The following TRPC5 variants were observed in gnomAD, a reference collection of about 807,000 sequenced individuals.
The protein encoded by TRPC5 is transient receptor potential cation channel subfamily C member 5, also known as short transient receptor potential channel 5.
In TRPC5, 9 loss-of-function variants were observed where a neutral mutation model predicts 56.5. That is an observed-to-expected ratio of 0.16 (90% CI 0.10 to 0.28). The LOEUF (loss-of-function observed/expected upper bound fraction) is 0.28. Ranked by LOEUF, TRPC5 falls within the 10% of genes least tolerant of loss-of-function variation. TRPC5 has a pLI of 1.00. For synonymous variants in TRPC5, 282 were observed against 278.5 expected, an observed-to-expected ratio of 1.01 and a Z score of -0.13; for missense variants, 469 against 748.9, an observed-to-expected ratio of 0.63 and a Z score of 4.36.
chrX:111,847,081 A>G, intron 6 of TRPC5, 33 bp downstream of exon 6: 2 of 1,156,020 alleles, frequency 1.7e-6, no homozygotes, highest in Non-Finnish European at 2.3e-6. Context: ...CAAAAAAAAA[A>G]ATAAATAAAT....
At chrX:111,779,787 TAGTA>T (rs1263434847) in intron 9 of TRPC5, among the ~76,000 whole-genome samples, 1 of 112,131 alleles carries the variant, frequency 8.9e-6, no homozygotes, top group African/African-American at 3.2e-5. Flanking sequence ...GTTACACAAC[TAGTA>T]AGTGTCAGCA....
At chrX:111,888,494 G>A in intron 3 of TRPC5, among the ~76,000 whole-genome samples, 1 of 93,418 alleles carries the variant, frequency 1.1e-5, no homozygotes, top group Admixed American at 1.2e-4. Context: ...CCAACATGGT[G>A]AAACCCCGTC....
chrX:112,056,471 A>G (rs963448750), intron 1 of TRPC5, among the ~76,000 whole-genome samples: 4 of 112,567 alleles, frequency 3.6e-5, no homozygotes, highest in African/African-American at 9.7e-5. Flanking sequence ...TTTAGGGAAT[A>G]TTTAGAACCA....
chrX:112,002,689 G>T (rs147924138), intron 1 of TRPC5, among the ~76,000 whole-genome samples: 1 of 111,087 alleles, frequency 9.0e-6, no homozygotes, highest in Non-Finnish European at 1.9e-5. Flanking sequence ...CTCTTGACAG[G>T]GTATTTTTCA....
rs183546814 is a variant in TRPC5 at position 112,063,445 on chromosome X, T to C, written c.-22+18434A>G. ...TGTGGCATAGCCTGTCTGCCTGATA[T>C]TAGCTCATGTCTTCATGCTTGTTTT... On this transcript the variant is annotated intron_variant, in intron 1 of 10. Transcript: ENST00000262839. Among the ~76,000 whole-genome samples the C allele has an allele frequency of 3.5e-5, 4 of 112,777 alleles. No homozygotes were observed. The Admixed American group carries it at 3.8e-4, about 11-fold the overall frequency.
chrX:111,994,332 A>G (rs1369304244), intron 1 of TRPC5, among the ~76,000 whole-genome samples: 2 of 111,692 alleles, frequency 1.8e-5, no homozygotes, highest in Non-Finnish European at 3.8e-5. Context: ...GAAGTCAGGT[A>G]GTGTGATGCC....
At chrX:111,868,477 A>G (rs1241840762) in intron 3 of TRPC5, among the ~76,000 whole-genome samples, 1 of 112,822 alleles carries the variant, frequency 8.9e-6, no homozygotes, top group Non-Finnish European at 1.9e-5. Context: ...GGTGTGTACA[A>G]AAAAGTGCAA....
rs147369395 is a variant in TRPC5, at chrX:112,049,297, A to G, written c.-22+32582T>C. On this transcript the variant is annotated intron_variant, in intron 1 of 10. Coordinates refer to ENST00000262839, the MANE Select transcript of TRPC5 (RefSeq NM_012471.3). ...TGGAATGCCTATTCCTGATTTGGGT[A>G]AGGAATGATGCCTTCTTATGCTGCC... Among the ~76,000 whole-genome samples, 470 of 109,275 alleles carry G rather than the reference A, an allele frequency of 4.3e-3. 2 individuals carry two copies. The highest frequency in any genetic ancestry group is 0.015 in the African/African-American group (450 of 30,039). The allele number at this position is 109,275 out of a possible 115,157, so 94.9% of individuals were successfully genotyped here. A position where few individuals can be genotyped will look rare whatever the true frequency, so the allele number is the denominator to read the frequency against.
intron 3 of TRPC5, among the ~76,000 whole-genome samples, chrX:111,856,893 T>C (rs1370037778): frequency 7.3e-5 from 8 of 108,849 alleles, no homozygotes; most frequent in Admixed American, 2.0e-4. Flanking sequence ...TGTGTGTGTG[T>C]GCGTATGTAA....
chrX:111,875,505 A>G (rs1569527040), intron 3 of TRPC5, among the ~76,000 whole-genome samples: 1 of 108,937 alleles, frequency 9.2e-6, no homozygotes, highest in African/African-American at 3.4e-5. Flanking sequence ...TATGACCACA[A>G]TGAAGTGTGT....
chrX:111,890,334 T>G (rs368043268), intron 3 of TRPC5, among the ~76,000 whole-genome samples: 5 of 112,119 alleles, frequency 4.5e-5, no homozygotes, highest in African/African-American at 1.6e-4. Flanking sequence ...TTTCACAGTT[T>G]TCTTTAGCTC....
intron 2 of TRPC5, among the ~76,000 whole-genome samples, chrX:111,950,173 A>T (rs946515939): frequency 3.6e-5 from 4 of 110,509 alleles, no homozygotes; most frequent in Non-Finnish European, 5.7e-5. Flanking sequence ...AAATACAAAA[A>T]AATTAGCCAG....
chrX:111,928,870 G>T lies in TRPC5; in HGVS notation c.379-16058C>A, dbSNP rs565266759. On this transcript the variant is annotated intron_variant, in intron 2 of 10. Coordinates refer to ENST00000262839, the MANE Select transcript of TRPC5 (RefSeq NM_012471.3). ...GCAAAGACAGTTTACACATAATGAT[G>T]AATTTTCAATCACTTGCAAAACATG... Among the ~76,000 whole-genome samples, 4 of 112,232 alleles carry T rather than the reference G, an allele frequency of 3.6e-5. No individual in the cohort carries two copies. The South Asian group carries it at 1.5e-3, about 42-fold the overall frequency.
At chrX:111,800,999 C>A (rs1156579089) in intron 7 of TRPC5, among the ~76,000 whole-genome samples, 2 of 111,317 alleles carry the variant, frequency 1.8e-5, no homozygotes, top group African/African-American at 6.5e-5. Context: ...TTAAAACATT[C>A]TCATCACTCC....
At chrX:111,827,128 T>G (rs1234252057) in intron 7 of TRPC5, among the ~76,000 whole-genome samples, 1 of 111,641 alleles carries the variant, frequency 9.0e-6, no homozygotes, top group African/African-American at 3.3e-5. Context: ...TAATATAGTA[T>G]TATAATATAG....
intron 2 of TRPC5, among the ~76,000 whole-genome samples, chrX:111,926,688 G>A (rs960512678): frequency 1.8e-5 from 2 of 112,381 alleles, no homozygotes; most frequent in African/African-American, 6.5e-5. Context: ...TTATGAGGTA[G>A]GAGTTGCCAC....
intron 2 of TRPC5, among the ~76,000 whole-genome samples, chrX:111,939,947 T>G (rs1289918874): frequency 8.9e-6 from 1 of 111,947 alleles, no homozygotes; most frequent in African/African-American, 3.2e-5. Flanking sequence ...TGCTCTTGCT[T>G]TGGTAGTTCA....
At chrX:111,802,680 C>T (rs1921353312) in intron 7 of TRPC5, among the ~76,000 whole-genome samples, 1 of 111,048 alleles carries the variant, frequency 9.0e-6, no homozygotes, top group Non-Finnish European at 1.9e-5. Context: ...CTTTTAACGA[C>T]CTCCTCTACA....
intron 2 of TRPC5, among the ~76,000 whole-genome samples, chrX:111,950,682 C>T (rs1283876111): frequency 3.6e-5 from 4 of 112,169 alleles, no homozygotes; most frequent in African/African-American, 1.3e-4. Flanking sequence ...AAAAAGACAG[C>T]ATTAGTTCTT....
Sources: allele counts gnomAD v4.1 joint callset (sites outside exome capture counted in the v4.1 genomes callset), GRCh38; gene constraint gnomAD v4.1.1; transcripts MANE v1.5; gene names NCBI Gene and HGNC (gene_info 2026-07-23, HGNC 2026-07-21).